TMED5: variants seen among roughly 807,000 people sequenced by gnomAD.
The protein encoded by TMED5 is transmembrane emp24 domain-containing protein 5.
Under a neutral mutation model 23.0 loss-of-function variants are expected in TMED5, and 27 were observed. The observed-to-expected ratio is 1.17, with a 90% CI of 0.86 to 1.62. The LOEUF is 1.62. Among genes scored for constraint, TMED5 ranks in the 40% most tolerant of loss-of-function variants. The pLI, the probability that TMED5 is intolerant of heterozygous loss-of-function variation, is 0.00. For synonymous variants in TMED5, 97 were observed against 100.8 expected (o/e 0.96, Z 0.23); for missense variants, 248 against 273.7 (o/e 0.91, Z 0.66).
In TMED5 at chr1:93,154,025, A is replaced by T. The variant is rs939636437; in HGVS notation, c.*645T>A. 2 of 152,584 alleles carry T rather than the reference A, an allele frequency of 1.3e-5. No homozygotes were observed. Among genetic ancestry groups the T allele is most frequent in the African/African-American group, 4.8e-5 (2 of 41,444 alleles). The allele number at this position is 152,584 out of a possible 1,614,324, so 9.5% of individuals were successfully genotyped here. On this transcript the variant is annotated 3_prime_UTR_variant, in exon 4 of 4. Coordinates refer to ENST00000370282, the MANE Select transcript of TMED5 (RefSeq NM_016040.5). Reference sequence around the variant, plus strand: ...ACTTTGTGTTTTTAAGAATCGTGAAAATGTCAGCTTTTGGGAATGTAAGCA... The same window carrying T: ...ACTTTGTGTTTTTAAGAATCGTGAATATGTCAGCTTTTGGGAATGTAAGCA...
chr1:93,157,738 C>A (rs888883669), intron 2 of TMED5, among the ~76,000 whole-genome samples: 1 of 152,024 alleles, frequency 6.6e-6, no homozygotes, highest in Non-Finnish European at 1.5e-5. Flanking sequence ...AAAGAAAAAG[C>A]CTACTTAAGA....
At chr1:93,161,756 A>G (rs1648283749) in intron 1 of TMED5, 1 of 152,234 alleles carries the variant, frequency 6.6e-6, no homozygotes. Context: ...GGATTCACTT[A>G]GCATAAACTT....
At chr1:93,169,485 G>A (rs190486983) in intron 1 of TMED5, among the ~76,000 whole-genome samples, 2 of 151,642 alleles carry the variant, frequency 1.3e-5, no homozygotes, top group East Asian at 3.9e-4. Flanking sequence ...CAATAATGTA[G>A]ACATCCACCT....
Position 93,175,139 on chromosome 1 carries a change from T to TTA in TMED5, c.189+4913_189+4914dup, listed in dbSNP as rs1023667131. Among the ~76,000 whole-genome samples the TTA allele has an allele frequency of 3.7e-4, 50 of 136,294 alleles. 2 individuals are homozygous for TTA. Among genetic ancestry groups the TTA allele is most frequent in the Middle Eastern group, 3.6e-3 (1 of 276 alleles). 89.4% of individuals were successfully genotyped at this position (136,294 alleles called of 152,430 possible). ...ATTATTCTCCCCAAAACCCAGCCAT[T>TTA]TATATATATATATTTATATAATACT... On this transcript the variant is annotated intron_variant, in intron 1 of 3. Transcript: ENST00000370282.
At position 93,180,295 on chromosome 1, in the gene TMED5, C is replaced by T; in HGVS notation, c.-53G>A. 3.9e-6 allele frequency: 6 copies of T among 1,536,118 alleles called. No individual in the cohort carries two copies. Among genetic ancestry groups the T allele is most frequent in the Non-Finnish European group, 5.2e-6 (6 of 1,144,022 alleles). On this transcript the variant is annotated 5_prime_UTR_variant, in exon 1 of 4. Transcript: ENST00000370282. ...GAGGCGTCAGGTACTGTTGTCTCCG[C>T]TCCGCGTTTCCTCTCTGGACTCCTC...
At chr1:93,164,741 T>C (rs1018877215) in intron 1 of TMED5, among the ~76,000 whole-genome samples, 8 of 152,244 alleles carry the variant, frequency 5.3e-5, no homozygotes, top group African/African-American at 1.9e-4. Context: ...ACGATTCACA[T>C]AGGATATAGC....
At chr1:93,164,331 T>C (rs1196373561) in intron 1 of TMED5, among the ~76,000 whole-genome samples, 2 of 152,222 alleles carry the variant, frequency 1.3e-5, no homozygotes, top group Non-Finnish European at 2.9e-5. Context: ...ACCTGGGAGC[T>C]TGAGATTTAA....
At chr1:93,158,082 C>A (rs2101129625) in intron 2 of TMED5, among the ~76,000 whole-genome samples, 1 of 149,464 alleles carries the variant, frequency 6.7e-6, no homozygotes, top group East Asian at 2.0e-4. Flanking sequence ...CGAGATCGCG[C>A]CACTGCACTC....
At chr1:93,172,109 A>G (rs570950337) in intron 1 of TMED5, among the ~76,000 whole-genome samples, 25 of 152,302 alleles carry the variant, frequency 1.6e-4, no homozygotes, top group African/African-American at 6.0e-4. Flanking sequence ...CTAAGATCAC[A>G]CTTAATGGCG....
chr1:93,169,164 G>C (rs548314641), intron 1 of TMED5, among the ~76,000 whole-genome samples: 1 of 152,286 alleles, frequency 6.6e-6, no homozygotes, highest in South Asian at 2.1e-4. Context: ...AAGCTCATAT[G>C]GAACATTCAC....
chr1:93,159,501 A>C (rs1203917528), intron 2 of TMED5, among the ~76,000 whole-genome samples: 1 of 152,196 alleles, frequency 6.6e-6, no homozygotes, highest in Admixed American at 6.5e-5. Context: ...GGAACCAGGA[A>C]ACATACCAGT....
In TMED5 at chr1:93,153,707, T is replaced by C. The variant is rs1647961327; in HGVS notation, c.*963A>G. On this transcript the variant is annotated 3_prime_UTR_variant, in exon 4 of 4. Coordinates refer to ENST00000370282, the MANE Select transcript of TMED5 (RefSeq NM_016040.5). ...TTCTTAGAGCTCAGAAAAGGAGATA[T>C]TTATTTATGGTAGGCCCAGATCATT... 1 of 152,164 alleles carries C rather than the reference T, an allele frequency of 6.6e-6. No individual in the cohort carries two copies. The highest frequency in any genetic ancestry group is 1.5e-5 in the Non-Finnish European group (1 of 67,986). The allele number at this position is 152,164 out of a possible 1,614,324, so 9.4% of individuals were successfully genotyped here.
chr1:93,166,747 G>A (rs972692189), intron 1 of TMED5, among the ~76,000 whole-genome samples: 1 of 152,110 alleles, frequency 6.6e-6, no homozygotes. Context: ...CCTTTGCTGA[G>A]CAGAAGCTTT....
At chr1:93,163,244 A>G (rs1226342743) in intron 1 of TMED5, 1 of 152,162 alleles carries the variant, frequency 6.6e-6, no homozygotes, top group Non-Finnish European at 1.5e-5. Flanking sequence ...TCAGTAAAAC[A>G]AAGTTAAAAA....
intron 1 of TMED5, among the ~76,000 whole-genome samples, chr1:93,176,598 A>C (rs866840927): frequency 6.6e-6 from 1 of 152,224 alleles, no homozygotes; most frequent in African/African-American, 2.4e-5. Flanking sequence ...CAGTGGTGTG[A>C]TCACAGCTCA....
chr1:93,172,267 A>G (rs1372466530), intron 1 of TMED5, among the ~76,000 whole-genome samples: 1 of 152,172 alleles, frequency 6.6e-6, no homozygotes, highest in Non-Finnish European at 1.5e-5. Flanking sequence ...AAAAGAAGAA[A>G]TAAAACTGTC....
rs1187474061 is a variant in TMED5, at chr1:93,153,488, A to C, written c.*1182T>G. The C allele has an allele frequency of 6.6e-6, 1 of 152,186 alleles. No homozygotes were observed. Among genetic ancestry groups the C allele is most frequent in the South Asian group, 2.1e-4 (1 of 4,836 alleles). 9.4% of individuals were successfully genotyped at this position (152,186 alleles called of 1,614,324 possible). On this transcript the variant is annotated 3_prime_UTR_variant, in exon 4 of 4. Transcript: ENST00000370282. Reference sequence around the variant, plus strand: ...AAATAATTCAAACCAGAATTCTTGTAGAAAATAAAAACCTACAGCCAAAGT... The same window carrying C: ...AAATAATTCAAACCAGAATTCTTGTCGAAAATAAAAACCTACAGCCAAAGT...
At chr1:93,168,904 A>G (rs182157553) in intron 1 of TMED5, among the ~76,000 whole-genome samples, 225 of 152,354 alleles carry the variant, frequency 1.5e-3, no homozygotes, top group Admixed American at 4.1e-3. Flanking sequence ...AGACATACCA[A>G]TGCTTATGTG....
chr1:93,157,931 T>C (rs908403418), intron 2 of TMED5, among the ~76,000 whole-genome samples: 17 of 151,964 alleles, frequency 1.1e-4, no homozygotes, highest in African/African-American at 4.1e-4. Context: ...CAGACCATCC[T>C]GGCTAACACG....
Sources: allele counts gnomAD v4.1 joint callset (sites outside exome capture counted in the v4.1 genomes callset), GRCh38; gene constraint gnomAD v4.1.1; transcripts MANE v1.5; gene names NCBI Gene and HGNC (gene_info 2026-07-23, HGNC 2026-07-21).